The following ASL variants were observed in gnomAD, a reference collection of about 807,000 sequenced individuals.
ASL encodes argininosuccinate lyase, also known as argininosuccinase.
A neutral mutation model predicts 69.1 loss-of-function variants in ASL; 51 were observed. The observed-to-expected ratio is 0.74, with a 90% confidence interval of 0.59 to 0.93. The LOEUF (loss-of-function observed/expected upper bound fraction) is 0.93, where lower values mean the gene tolerates loss of function less well. Ranked by LOEUF, ASL falls within the 40% of genes least tolerant of loss-of-function variation. The pLI is 0.00. For missense variants in ASL, 540 were observed against 623.9 expected (o/e 0.87, Z 1.43); for synonymous variants, 241 against 247.6 (o/e 0.97, Z 0.25).
chr7:66,082,243 C>A, intron 3 of ASL, 125 bp from the exon 4 acceptor site: 2 of 1,150,752 alleles, frequency 1.7e-6, no homozygotes, highest in Non-Finnish European at 1.3e-6. Context: ...CCAGGGTGCG[C>A]TTCCAGGACT....
Position 66,092,091 on chromosome 7 carries a change from G to A in ASL, c.1143+5G>A, listed in dbSNP as rs1375070104. On this transcript the variant is annotated splice_donor_5th_base_variant and intron_variant, in intron 15 of 16. Transcript: ENST00000304874. ...TATTACCTGGTCCGCAAAGGGGTAA[G>A]TGTGTAGCAGCCAGGGGGAGGGTGA... 6.2e-7 allele frequency: 1 copy of A among 1,610,782 alleles called. No individual in the cohort carries two copies. The highest frequency in any genetic ancestry group is 2.2e-5 in the East Asian group (1 of 44,866).
rs753566215 is a variant in ASL, at chr7:66,086,672, G to A, written c.524+10G>A. On this transcript the variant is annotated intron_variant, in intron 7 of 16. Coordinates refer to ENST00000304874, the MANE Select transcript of ASL (RefSeq NM_000048.4). Reference sequence around the variant, plus strand: ...GCCACTGGATTCTGAGGTGAGCCAGGTGAGGTGCAGGGGCTGTGCTAGAGG... The same window carrying A: ...GCCACTGGATTCTGAGGTGAGCCAGATGAGGTGCAGGGGCTGTGCTAGAGG... The A allele has an allele frequency of 6.8e-6, 11 of 1,613,662 alleles. No homozygotes were observed. In the East Asian group the frequency reaches 2.5e-4, roughly 36 times the overall value.
At chr7:66,087,095 G>A in intron 8 of ASL, 2 of 646,864 alleles carry the variant, frequency 3.1e-6, no homozygotes, top group African/African-American at 1.8e-5. Flanking sequence ...CAAGTGTCCT[G>A]CACCCAGGGT....
chr7:66,082,624 G>T (rs905418130), intron 4 of ASL, among the ~76,000 whole-genome samples, 173 bp downstream of exon 4: 3 of 152,058 alleles, frequency 2.0e-5, no homozygotes, highest in Admixed American at 2.0e-4. Flanking sequence ...ACTTTGGGAG[G>T]CTGAGGTGGG....
intron 9 of ASL, 114 bp from the exon 10 acceptor site, chr7:66,087,615 T>TC: frequency 1.8e-6 from 2 of 1,096,400 alleles, no homozygotes; most frequent in Non-Finnish European, 1.4e-6. Flanking sequence ...AAAAGATCCC[T>TC]CCCCCCAGCT....
chr7:66,082,803 G>A, intron 4 of ASL, 77 bp from the exon 5 acceptor site: 1 of 1,583,958 alleles, frequency 6.3e-7, no homozygotes, highest in Non-Finnish European at 8.6e-7. Context: ...TGGCAGGGCT[G>A]ATGAGGAAAA....
In ASL at chr7:66,093,227, G is replaced by A; in HGVS notation, c.*315G>A. ...AGCTACTTGTAAGGCTGAGGTGAGA[G>A]GACACTTGTGCCCAGGAGTGGAGGC... On this transcript the variant is annotated 3_prime_UTR_variant, in exon 17 of 17. Coordinates refer to ENST00000304874, the MANE Select transcript of ASL (RefSeq NM_000048.4). 2.2e-6 allele frequency: 1 copy of A among 452,986 alleles called. No homozygotes were observed. Among genetic ancestry groups the A allele is most frequent in the Non-Finnish European group, 4.1e-6 (1 of 242,478 alleles). The allele number at this position is 452,986 out of a possible 1,614,324, so 28.1% of individuals were successfully genotyped here.
chr7:66,089,059 A>C, intron 11 of ASL, 32 bp from the exon 12 acceptor site: 2 of 1,613,076 alleles, frequency 1.2e-6, no homozygotes, highest in Middle Eastern at 3.3e-4. Flanking sequence ...CCAAGGGTCC[A>C]GCCCCTTCAG....
intron 15 of ASL, 59 bp downstream of exon 15, chr7:66,092,145 G>T: frequency 6.3e-7 from 1 of 1,585,862 alleles, no homozygotes; most frequent in South Asian, 1.1e-5. Flanking sequence ...CCAGAGGGTG[G>T]GGGAGCTCAG....
intron 2 of ASL, among the ~76,000 whole-genome samples, chr7:66,081,155 G>A (rs1324634608): frequency 6.6e-6 from 1 of 152,208 alleles, no homozygotes; most frequent in Non-Finnish European, 1.5e-5. Flanking sequence ...AGAGGGTTGT[G>A]TCAACAATTA....
intron 14 of ASL, 105 bp downstream of exon 14, chr7:66,089,800 G>A (rs1786792951): frequency 3.9e-6 from 5 of 1,271,108 alleles, no homozygotes; most frequent in South Asian, 1.3e-5. Context: ...TGGAGGACCT[G>A]GGGCAGGGAA....
Position 66,086,819 on chromosome 7 carries a change from G to T in ASL, c.600G>T (p.Gly200=). 1 of 1,572,694 alleles carries T rather than the reference G, an allele frequency of 6.4e-7. No homozygotes were observed. Residue 200 remains glycine, a splice_region_variant and synonymous_variant, in exon 8 of 17, where the codon GGG becomes GGT. Transcript: ENST00000304874. ...AGCGGATCAATGTCCTGCCCCTGGG[G>T]AGGTGGGTGAGGCTCCAGTGCCCCG... ...VRKRINVLPL[G]SGAIAGNPLG...
intron 8 of ASL, 67 bp from the exon 9 acceptor site, chr7:66,087,243 CGTGTGTGTGTGTGTGTGTGTGTGT>C (rs60055215): frequency 2.7e-5 from 26 of 976,736 alleles, no homozygotes; most frequent in African/African-American, 2.0e-4. Context: ...TGTGTGCGTT[CGTGTGTGTGTGTGTGTGTGTGTGT>C]GTGTGTGTGT....
intron 15 of ASL, 74 bp from the exon 16 acceptor site, chr7:66,092,483 G>C (rs1023189991): frequency 2.2e-6 from 3 of 1,362,616 alleles, no homozygotes; most frequent in African/African-American, 2.9e-5. Context: ...AAAAAGGAAG[G>C]GGGTGCAGGC....
At chr7:66,087,941 G>A (rs965858459) in intron 10 of ASL, 150 bp downstream of exon 10, 46 of 1,005,254 alleles carry the variant, frequency 4.6e-5, no homozygotes, top group Non-Finnish European at 1.7e-5. Flanking sequence ...TAAAGTGGGT[G>A]GGGCATGGTG....
chr7:66,086,847 G>A (rs1018699757), intron 8 of ASL, 26 bp downstream of exon 8: 16 of 1,555,370 alleles, frequency 1.0e-5, no homozygotes, highest in African/African-American at 1.4e-5. Flanking sequence ...GTGCCCCGAG[G>A]GCCTGGTGGG....
intron 2 of ASL, among the ~76,000 whole-genome samples, chr7:66,078,723 C>T (rs1786418751): frequency 6.6e-6 from 1 of 151,378 alleles, no homozygotes; most frequent in African/African-American, 2.4e-5. Flanking sequence ...CAACCTCTAC[C>T]TCCAGGATTC....
intron 3 of ASL, 126 bp from the exon 4 acceptor site, chr7:66,082,242 G>A (rs945199025): frequency 1.1e-5 from 12 of 1,138,356 alleles, no homozygotes; most frequent in Admixed American, 9.9e-5. Context: ...CCCAGGGTGC[G>A]CTTCCAGGAC....
chr7:66,076,520 C>A (rs1786351337), intron 2 of ASL, among the ~76,000 whole-genome samples: 1 of 152,184 alleles, frequency 6.6e-6, no homozygotes, highest in Non-Finnish European at 1.5e-5. Flanking sequence ...TAAAGCTCAG[C>A]CCCTAAGTGT....
Sources: gnomAD v4.1 joint callset for allele counts (sites outside exome capture counted in the v4.1 genomes callset) on GRCh38, gnomAD v4.1.1 for gene constraint, MANE v1.5 for transcripts, NCBI Gene and HGNC (gene_info 2026-07-23, HGNC 2026-07-21) for gene names.